Variants in GFRAL observed in about 807,000 individuals in gnomAD.
GFRAL encodes GDNF family receptor alpha-like.
In GFRAL, 36 loss-of-function variants were observed where a neutral mutation model predicts 45.4. The observed-to-expected ratio is 0.79, with a 90% CI of 0.61 to 1.05. GFRAL has a LOEUF of 1.05. Ranked by LOEUF, GFRAL falls within the 50% of genes least tolerant of loss-of-function variation. The pLI, the probability that GFRAL is intolerant of heterozygous loss-of-function variation, is 0.00. For synonymous variants in GFRAL, 166 were observed against 154.1 expected (o/e 1.08, Z -0.57); for missense variants, 507 against 467.5 (o/e 1.08, Z -0.78).
At chr6:55,360,160 C>T (rs185416359) in intron 6 of GFRAL, among the ~76,000 whole-genome samples, 2 of 151,898 alleles carry the variant, frequency 1.3e-5, no homozygotes, top group African/African-American at 4.8e-5. Context: ...AGGAAACAAC[C>T]TAAGGATGTG....
intron 6 of GFRAL, among the ~76,000 whole-genome samples, chr6:55,366,025 C>T (rs980765514): frequency 6.6e-6 from 1 of 150,954 alleles, no homozygotes; most frequent in African/African-American, 2.5e-5. Flanking sequence ...GTACCAGTTC[C>T]TCCTTGTACC....
At chr6:55,348,392 T>C (rs963688236) in intron 3 of GFRAL, among the ~76,000 whole-genome samples, 3 of 152,144 alleles carry the variant, frequency 2.0e-5, no homozygotes, top group African/African-American at 7.2e-5. Context: ...ATAACTGTTT[T>C]GTTGTGTTGG....
At position 55,332,320 on chromosome 6, in the gene GFRAL, T is replaced by C. The variant is rs971056823; in HGVS notation, c.157+471T>C. 2.0e-5 allele frequency among the ~76,000 whole-genome samples: 3 copies of C among 152,162 alleles called. No homozygotes were observed. In the East Asian group the frequency reaches 5.8e-4, roughly 29 times the overall value. On this transcript the variant is annotated intron_variant, in intron 2 of 8. Transcript: ENST00000340465. ...TCTATGTCAAGAACAAGTAAAGCTATAGTTTTGTTTTTAACTTGGCCTACC... is the reference window on the plus strand; with the variant it reads ...TCTATGTCAAGAACAAGTAAAGCTACAGTTTTGTTTTTAACTTGGCCTACC...
At chr6:55,394,726 T>C (rs6938678) in intron 6 of GFRAL, among the ~76,000 whole-genome samples, 29,246 of 151,876 alleles carry the variant, frequency 0.19, 4,652 homozygotes, top group African/African-American at 0.44. Flanking sequence ...GGTTCCTGAG[T>C]CGTCAGCTTT....
intron 5 of GFRAL, among the ~76,000 whole-genome samples, chr6:55,357,677 A>G (rs1024537560): frequency 2.6e-5 from 4 of 151,680 alleles, no homozygotes; most frequent in African/African-American, 9.7e-5. Context: ...TTACATTTCA[A>G]ATAATTTTGG....
At chr6:55,384,675 G>T (rs1768656734) in intron 6 of GFRAL, among the ~76,000 whole-genome samples, 1 of 152,010 alleles carries the variant, frequency 6.6e-6, no homozygotes, top group African/African-American at 2.4e-5. Context: ...AGATCAGCTG[G>T]ATAAGGTTAG....
intron 6 of GFRAL, among the ~76,000 whole-genome samples, chr6:55,376,909 T>C (rs953922627): frequency 1.3e-5 from 2 of 152,176 alleles, no homozygotes; most frequent in African/African-American, 4.8e-5. Flanking sequence ...TATTTTTCAA[T>C]CTTATCTTTT....
chr6:55,363,229 T>C (rs1179246851), intron 6 of GFRAL, among the ~76,000 whole-genome samples: 1 of 152,034 alleles, frequency 6.6e-6, no homozygotes, highest in African/African-American at 2.4e-5. Context: ...GGTTGGTGTA[T>C]ATTCTTTTGA....
chr6:55,357,872 T>C (rs1454533004), intron 5 of GFRAL, among the ~76,000 whole-genome samples: 1 of 151,734 alleles, frequency 6.6e-6, no homozygotes, highest in Non-Finnish European at 1.5e-5. Flanking sequence ...GGTACAGATG[T>C]AGTCTCTATC....
chr6:55,335,691 A>G (rs1767881717), intron 3 of GFRAL, among the ~76,000 whole-genome samples: 1 of 152,148 alleles, frequency 6.6e-6, no homozygotes, highest in Non-Finnish European at 1.5e-5. Flanking sequence ...GGAAAATAAT[A>G]TAATTTTACT....
At chr6:55,357,996 A>C (rs2127356973) in intron 5 of GFRAL, among the ~76,000 whole-genome samples, 1 of 151,960 alleles carries the variant, frequency 6.6e-6, no homozygotes, top group African/African-American at 2.4e-5. Flanking sequence ...CATGTTCAGA[A>C]AATTTGCAGT....
At chr6:55,368,234 C>G (rs1278145499) in intron 6 of GFRAL, among the ~76,000 whole-genome samples, 22 of 151,968 alleles carry the variant, frequency 1.4e-4, no homozygotes, top group Admixed American at 4.6e-4. Context: ...TTGATCGCAT[C>G]AGCTCCTGAG....
intron 1 of GFRAL, 70 bp downstream of exon 1, chr6:55,327,646 C>A: frequency 7.1e-7 from 1 of 1,400,524 alleles, no homozygotes; most frequent in Non-Finnish European, 1.0e-6. Context: ...TGAATACCAT[C>A]ACACTTAAGC....
At chr6:55,377,118 G>A (rs972964917) in intron 6 of GFRAL, among the ~76,000 whole-genome samples, 20 of 152,098 alleles carry the variant, frequency 1.3e-4, no homozygotes, top group African/African-American at 4.8e-4. Context: ...TACTGGCTGG[G>A]TGGATATCTG....
chr6:55,328,543 G>A (rs1346367395), intron 1 of GFRAL, among the ~76,000 whole-genome samples: 1 of 151,614 alleles, frequency 6.6e-6, no homozygotes, highest in Non-Finnish European at 1.5e-5. Flanking sequence ...TTTTTCCATT[G>A]TTCCATAATT....
chr6:55,346,216 A>G (rs867835094), intron 3 of GFRAL, among the ~76,000 whole-genome samples: 6 of 152,220 alleles, frequency 3.9e-5, no homozygotes, highest in African/African-American at 1.4e-4. Context: ...ATTACAAATC[A>G]TGCTGCTATA....
At chr6:55,364,374 C>A (rs1768328121) in intron 6 of GFRAL, among the ~76,000 whole-genome samples, 1 of 148,800 alleles carries the variant, frequency 6.7e-6, no homozygotes, top group Non-Finnish European at 1.5e-5. Flanking sequence ...AAAATTTTCT[C>A]CCATTTTGTA....
intron 6 of GFRAL, among the ~76,000 whole-genome samples, chr6:55,366,452 C>G (rs1768365298): frequency 6.9e-6 from 1 of 144,890 alleles, no homozygotes; most frequent in Admixed American, 6.8e-5. Context: ...CAGTTCTGCT[C>G]TGATTTTAGT....
At chr6:55,365,349 T>A (rs905351037) in intron 6 of GFRAL, among the ~76,000 whole-genome samples, 1 of 139,036 alleles carries the variant, frequency 7.2e-6, no homozygotes, top group Non-Finnish European at 1.5e-5. Context: ...GCTGAGACAA[T>A]GGGGTTTTCT....
Sources: allele counts gnomAD v4.1 joint callset (sites outside exome capture counted in the v4.1 genomes callset), GRCh38; gene constraint gnomAD v4.1.1; transcripts MANE v1.5; gene names NCBI Gene and HGNC (gene_info 2026-07-23, HGNC 2026-07-21).